LPAR6: variants seen among roughly 807,000 people sequenced by gnomAD.
LPAR6 encodes G-protein coupled purinergic receptor P2Y5.
In LPAR6, 17 loss-of-function variants were observed where a neutral mutation model predicts 22.0. The ratio of observed to expected loss-of-function variants is 0.77; its 90% CI spans 0.53 to 1.16. LPAR6 has a LOEUF of 1.16. Among genes scored for constraint, LPAR6 ranks in the 50% most tolerant of loss-of-function variants. The pLI, the probability that LPAR6 is intolerant of heterozygous loss-of-function variation, is 0.00. For missense variants in LPAR6, 384 were observed against 406.9 expected (o/e 0.94, Z 0.48); for synonymous variants, 136 against 139.8 (o/e 0.97, Z 0.19).
intron 1 of LPAR6, among the ~76,000 whole-genome samples, chr13:48,439,170 T>C (rs1297696735): frequency 6.6e-6 from 1 of 152,212 alleles, no homozygotes; most frequent in East Asian, 1.9e-4. Flanking sequence ...CACTGCTCCA[T>C]CACTTATCAG....
intron 1 of LPAR6, among the ~76,000 whole-genome samples, chr13:48,442,490 G>A (rs1030338678): frequency 2.0e-5 from 3 of 152,128 alleles, no homozygotes; most frequent in African/African-American, 4.8e-5. Context: ...GTTAGAACAG[G>A]ATTTTTTTCT....
chr13:48,406,493 C>G (rs546907295), downstream of LPAR6: 68 of 152,210 alleles, frequency 4.5e-4, no homozygotes, highest in African/African-American at 1.6e-3. Context: ...TCTTTTCTTG[C>G]TGAAGACAAA....
chr13:48,433,994 G>A (rs950920951), intron 1 of LPAR6, among the ~76,000 whole-genome samples: 10 of 151,736 alleles, frequency 6.6e-5, no homozygotes, highest in Admixed American at 2.0e-4. Flanking sequence ...AAAGTGCTGG[G>A]ATTATAGGCA....
chr13:48,396,568 A>G (rs889458160), intron 1 of LPAR6, among the ~76,000 whole-genome samples: 1 of 152,230 alleles, frequency 6.6e-6, no homozygotes, highest in Admixed American at 6.5e-5. Flanking sequence ...AGGCAATACC[A>G]TTCAGGACAT....
In LPAR6 at chr13:48,412,142, C is replaced by T; in HGVS notation, c.282G>A (p.Met94Ile). Residue 94 changes from methionine (M) to isoleucine (I), a missense_variant, in exon 1 of 1, where the codon ATG becomes ATA. Transcript: ENST00000620633. Reference protein sequence around the residue: ...FGDLLCKISVMLFYTNMYGSI... With the variant: ...FGDLLCKISVILFYTNMYGSI... Reference sequence around the variant, plus strand: ...TTCCGTACATGTTGGTATAAAACAGCATCACAGAAATCTTACAAAGTAAAT... The same window carrying T: ...TTCCGTACATGTTGGTATAAAACAGTATCACAGAAATCTTACAAAGTAAAT... 1.9e-6 allele frequency: 3 copies of T among 1,613,858 alleles called. No homozygotes were observed. Among genetic ancestry groups the T allele is most frequent in the Non-Finnish European group, 1.7e-6 (2 of 1,179,948 alleles).
chr13:48,433,487 G>A (rs1307370191), intron 1 of LPAR6, among the ~76,000 whole-genome samples: 1 of 152,062 alleles, frequency 6.6e-6, no homozygotes, highest in South Asian at 2.1e-4. Flanking sequence ...ACCTGCTGGA[G>A]ATGAATCTGT....
chr13:48,397,278 A>G (rs1948656035), intron 1 of LPAR6, among the ~76,000 whole-genome samples: 1 of 152,228 alleles, frequency 6.6e-6, no homozygotes. Context: ...GATAAAGAAA[A>G]TGTGGCACAT....
Position 48,425,621 on chromosome 13 carries a change from G to A in LPAR6, c.-1095+1238C>T, listed in dbSNP as rs181271366. ...GAGCCCCACCTACTCAGGAGGCAGAGGTAGGAGGATCTCTTGAGCCCAGGA... is the reference window on the plus strand; with the variant it reads ...GAGCCCCACCTACTCAGGAGGCAGAAGTAGGAGGATCTCTTGAGCCCAGGA... On this transcript the variant is annotated intron_variant, in intron 1 of 4. Transcript: ENST00000345941. Among the ~76,000 whole-genome samples, 339 of 152,214 alleles carry A rather than the reference G, an allele frequency of 2.2e-3. 7 individuals carry two copies. The highest frequency in any genetic ancestry group is 0.021 in the Admixed American group (319 of 15,294).
chr13:48,418,709 C>CAA (rs1217781825), intron 2 of LPAR6, among the ~76,000 whole-genome samples: 185 of 109,942 alleles, frequency 1.7e-3, no homozygotes, highest in African/African-American at 5.1e-3. Flanking sequence ...AAATGGAAAG[C>CAA]AAAAAAAAAA....
At chr13:48,422,481 T>G (rs758094232) in intron 2 of LPAR6, among the ~76,000 whole-genome samples, 5 of 152,164 alleles carry the variant, frequency 3.3e-5, no homozygotes, top group Non-Finnish European at 5.9e-5. Context: ...AACCTGCACG[T>G]TCTGCACATG....
intron 1 of LPAR6, among the ~76,000 whole-genome samples, chr13:48,433,707 G>A (rs1815614736): frequency 6.8e-6 from 1 of 146,280 alleles, no homozygotes; most frequent in Non-Finnish European, 1.5e-5. Context: ...CCTTTAGTAG[G>A]TATGCATTGT....
At chr13:48,431,066 T>C (rs1457247554), upstream of LPAR6, among the ~76,000 whole-genome samples, 1 of 152,212 alleles carries the variant, frequency 6.6e-6, no homozygotes, top group African/African-American at 2.4e-5. Context: ...GTCCATCATA[T>C]GAATCATATG....
chr13:48,396,357 T>A (rs189359608), intron 1 of LPAR6, among the ~76,000 whole-genome samples: 161 of 152,178 alleles, frequency 1.1e-3, no homozygotes, highest in Middle Eastern at 3.4e-3. Flanking sequence ...TCTACAACCA[T>A]CTGATTTTTG....
chr13:48,423,389 T>C (rs1279145685), intron 1 of LPAR6, among the ~76,000 whole-genome samples: 1 of 152,088 alleles, frequency 6.6e-6, no homozygotes, highest in East Asian at 1.9e-4. Context: ...CTCTCAGGTA[T>C]AATAGATCAA....
chr13:48,397,471 C>T (rs1337918237), intron 1 of LPAR6, among the ~76,000 whole-genome samples: 1 of 152,090 alleles, frequency 6.6e-6, no homozygotes, highest in African/African-American at 2.4e-5. Flanking sequence ...TGGAGGGGAA[C>T]ATCACACACC....
chr13:48,417,697 T>G (rs1291967000), upstream of LPAR6, among the ~76,000 whole-genome samples: 1 of 151,636 alleles, frequency 6.6e-6, no homozygotes, highest in Admixed American at 6.6e-5. Flanking sequence ...ATAAATGACC[T>G]GATGGAGCTG....
At chr13:48,416,133 A>C (rs1372682902), upstream of LPAR6, among the ~76,000 whole-genome samples, 1 of 152,184 alleles carries the variant, frequency 6.6e-6, no homozygotes, top group Non-Finnish European at 1.5e-5. Flanking sequence ...AGAGCCAGAT[A>C]GATGTTAAAA....
chr13:48,434,638 T>C (rs1375598624), intron 1 of LPAR6, among the ~76,000 whole-genome samples: 1 of 152,116 alleles, frequency 6.6e-6, no homozygotes, highest in African/African-American at 2.4e-5. Flanking sequence ...GGGTTTCCAC[T>C]ATACACCATT....
In LPAR6 at chr13:48,412,567, C is replaced by G. The variant is rs934021458; in HGVS notation, c.-144G>C. On this transcript the variant is annotated 5_prime_UTR_variant, in exon 1 of 1. Coordinates refer to ENST00000620633, the MANE Select transcript of LPAR6 (RefSeq NM_001162498.3). ...ATGGTTTTATAAATATTTCCTTTTT[C>G]TCAGAAATACCCAAAAGAAACATGA... 4 of 670,914 alleles carry G rather than the reference C, an allele frequency of 6.0e-6. No individual in the cohort carries two copies. In the African/African-American group the frequency reaches 7.3e-5, roughly 12 times the overall value. 41.6% of individuals were successfully genotyped at this position (670,914 alleles called of 1,614,324 possible).
Sources: allele counts gnomAD v4.1 joint callset (sites outside exome capture counted in the v4.1 genomes callset), GRCh38; gene constraint gnomAD v4.1.1; transcripts MANE v1.5; gene names NCBI Gene and HGNC (gene_info 2026-07-23, HGNC 2026-07-21).